Variants in USP40 observed in about 807,000 individuals in gnomAD.
The protein encoded by USP40 is ubiquitin carboxyl-terminal hydrolase 40.
USP40 carries 143 observed loss-of-function variants against 166.2 expected under a neutral mutation model. The ratio of observed to expected loss-of-function variants is 0.86; its 90% CI spans 0.75 to 0.99. The LOEUF (loss-of-function observed/expected upper bound fraction) is 0.99, where lower values mean the gene tolerates loss of function less well. USP40 is among the 50% of genes least tolerant of loss of function. USP40 has a pLI of 0.00. For synonymous variants in USP40, 498 were observed against 524.0 expected, an observed-to-expected ratio of 0.95 and a Z score of 0.68; for missense variants, 1,444 against 1,479.7, an observed-to-expected ratio of 0.98 and a Z score of 0.40.
At chr2:233,545,192 A>G (rs1313799233) in intron 8 of USP40, among the ~76,000 whole-genome samples, 1 of 152,236 alleles carries the variant, frequency 6.6e-6, no homozygotes, top group African/African-American at 2.4e-5. Context: ...TCAGAAAGAA[A>G]ATAATAAAAT....
chr2:233,555,636 C>CTT (rs1232616788), intron 5 of USP40, among the ~76,000 whole-genome samples: 15,368 of 128,890 alleles, frequency 0.12, 1,263 homozygotes, highest in African/African-American at 0.19. Context: ...AAAAATCACT[C>CTT]TTTTTTTTTT....
At position 233,511,813 on chromosome 2, in the gene USP40, A is replaced by G; in HGVS notation, c.2438-16T>C. The G allele has an allele frequency of 6.3e-7, 1 of 1,583,672 alleles. No homozygotes were observed. The highest frequency in any genetic ancestry group is 2.3e-5 in the East Asian group (1 of 44,156). ...CTGTCCGGCACTTAAAAAAATTTTGATAATATGATGAAGGTTATTAATTCC... is the reference window on the plus strand; with the variant it reads ...CTGTCCGGCACTTAAAAAAATTTTGGTAATATGATGAAGGTTATTAATTCC... On this transcript the variant is annotated splice_polypyrimidine_tract_variant and intron_variant, in intron 19 of 31. Transcript: ENST00000678225.
At chr2:233,532,030 C>A (rs1360968246) in intron 11 of USP40, among the ~76,000 whole-genome samples, 3 of 152,186 alleles carry the variant, frequency 2.0e-5, no homozygotes, top group African/African-American at 4.8e-5. Context: ...TTCCTTTGAC[C>A]TTTTCTGCGC....
intron 12 of USP40, 92 bp from the exon 13 acceptor site, chr2:233,527,670 G>A (rs1366253844): frequency 1.7e-6 from 2 of 1,172,940 alleles, no homozygotes; most frequent in African/African-American, 1.6e-5. Context: ...TTACAATAAA[G>A]TTCTCCATCC....
chr2:233,516,514 G>A (rs2067207950), intron 18 of USP40, among the ~76,000 whole-genome samples: 1 of 151,946 alleles, frequency 6.6e-6, no homozygotes, highest in South Asian at 2.1e-4. Flanking sequence ...TGGCTAACAC[G>A]GTGAAACCCT....
intron 15 of USP40, among the ~76,000 whole-genome samples, chr2:233,524,215 C>A (rs768041567): frequency 9.2e-5 from 14 of 152,086 alleles, no homozygotes; most frequent in Non-Finnish European, 1.6e-4. Context: ...CAGCAACCTC[C>A]ACTTTCCGGG....
rs542494038 is a variant in USP40, at chr2:233,523,066, A to C, written c.2201+104T>G. On this transcript the variant is annotated intron_variant, in intron 16 of 31. Transcript: ENST00000678225. The stretch of plus-strand genomic sequence containing the variant: ...TAGAACATAATGTCTAGAAATAAAG[A>C]AACATTCAACTCTTGTCACTAAAAT... 85 of 1,229,982 alleles carry C rather than the reference A, an allele frequency of 6.9e-5. 1 individual carries two copies. The East Asian group carries it at 1.9e-3, about 27-fold the overall frequency. The allele number at this position is 1,229,982 out of a possible 1,614,324, so 76.2% of individuals were successfully genotyped here.
In USP40 at chr2:233,562,735, C is replaced by A; in HGVS notation, c.267+1G>T. The A allele has an allele frequency of 2.6e-6, 4 of 1,512,206 alleles. No homozygotes were observed. The highest frequency in any genetic ancestry group is 3.5e-6 in the Non-Finnish European group (4 of 1,127,640). The allele number at this position is 1,512,206 out of a possible 1,614,324, so 93.7% of individuals were successfully genotyped here. On this transcript the variant is annotated splice_donor_variant, in intron 3 of 31. Coordinates refer to ENST00000678225, the MANE Select transcript of USP40 (RefSeq NM_001365479.2). LOFTEE classifies it high-confidence loss of function. ...TATAATAATAATAATAATAAAAATA[C>A]CTTTGCATCGGGTTTATCCTTATCT...
In USP40 at chr2:233,493,237, G is replaced by A; in HGVS notation, c.2917+188C>T. 1.4e-6 allele frequency: 1 copy of A among 735,264 alleles called. No individual in the cohort carries two copies. The highest frequency in any genetic ancestry group is 2.2e-6 in the Non-Finnish European group (1 of 445,362). The allele number at this position is 735,264 out of a possible 1,614,324, so 45.5% of individuals were successfully genotyped here. On this transcript the variant is annotated intron_variant, in intron 25 of 31. Coordinates refer to ENST00000678225, the MANE Select transcript of USP40 (RefSeq NM_001365479.2). The surrounding 1 kb of genome is among the most constrained non-coding windows in gnomAD (Gnocchi z 4.7). ...TATATAGTGCTTTACAGAGGTTACA[G>A]AGCACGTACAGAAATGGCACAGTGT...
chr2:233,565,508 T>TTA lies in USP40; in HGVS notation c.45_46dup (p.Asn16IlefsTer10), dbSNP rs1301004313. 14 of 1,537,256 alleles carry TTA rather than the reference T, an allele frequency of 9.1e-6. No individual in the cohort carries two copies. Among genetic ancestry groups the TTA allele is most frequent in the Non-Finnish European group, 1.2e-5 (14 of 1,146,832 alleles). ...TAATTTCTTCCCTTTTCCATACTGA[T>TTA]TATTAGACACAGTGGAATACTCCTC... On this transcript the variant is annotated frameshift_variant, in exon 2 of 32. Coordinates refer to ENST00000678225, the MANE Select transcript of USP40 (RefSeq NM_001365479.2). LOFTEE classifies it high-confidence loss of function.
chr2:233,566,562 G>C, intron 1 of USP40, 122 bp downstream of exon 1: 1 of 496,850 alleles, frequency 2.0e-6, no homozygotes, highest in Non-Finnish European at 2.6e-6. Context: ...CTCCAGGAGA[G>C]CGCCGCGTCC....
At chr2:233,554,330 T>C in intron 6 of USP40, 50 bp downstream of exon 6, 3 of 1,547,120 alleles carry the variant, frequency 1.9e-6, no homozygotes, top group Non-Finnish European at 2.6e-6. Context: ...AGTTGACTTG[T>C]ACTAACTACA....
At chr2:233,496,389 C>CT (rs1420123264) in intron 24 of USP40, among the ~76,000 whole-genome samples, 1 of 152,152 alleles carries the variant, frequency 6.6e-6, no homozygotes, top group Non-Finnish European at 1.5e-5. Flanking sequence ...TTCTGAAGGA[C>CT]TTATTTCAGT....
intron 3 of USP40, chr2:233,561,257 C>T (rs1333602648): frequency 1.3e-6 from 2 of 1,491,852 alleles, no homozygotes; most frequent in Admixed American, 4.2e-5. Context: ...CCCGCATCGC[C>T]AAGTCAATCC....
chr2:233,481,530 A>G, intron 30 of USP40: 2 of 532,204 alleles, frequency 3.8e-6, no homozygotes, highest in South Asian at 4.6e-5. Context: ...CTTTCCCTTC[A>G]GCTCCAGAAG....
chr2:233,509,859 A>T (rs2066679610), intron 21 of USP40, among the ~76,000 whole-genome samples, 190 bp downstream of exon 21: 1 of 151,538 alleles, frequency 6.6e-6, no homozygotes, highest in South Asian at 2.1e-4. Context: ...AAAAAAAAAA[A>T]AAAATCCAGT....
At chr2:233,496,165 G>C (rs2125093187) in intron 24 of USP40, among the ~76,000 whole-genome samples, 1 of 152,314 alleles carries the variant, frequency 6.6e-6, no homozygotes, top group South Asian at 2.1e-4. Flanking sequence ...ACAGTTATCT[G>C]AGTCTTGGAG....
intron 28 of USP40, chr2:233,488,010 G>T (rs1005690428): frequency 1.0e-5 from 7 of 683,730 alleles, no homozygotes; most frequent in Admixed American, 4.1e-5. Flanking sequence ...TATGCACCTG[G>T]TGATTACTGA....
intron 10 of USP40, among the ~76,000 whole-genome samples, chr2:233,539,705 A>C (rs1222290558): frequency 6.6e-6 from 1 of 152,164 alleles, no homozygotes; most frequent in Non-Finnish European, 1.5e-5. Flanking sequence ...TTTAAAAAAA[A>C]AACTGAGTTA....
Sources: gnomAD v4.1 joint callset for allele counts (sites outside exome capture counted in the v4.1 genomes callset) on GRCh38, gnomAD v4.1.1 for gene constraint, Gnocchi (gnomAD v3.1) non-coding constraint, MANE v1.5 for transcripts, NCBI Gene and HGNC (gene_info 2026-07-23, HGNC 2026-07-21) for gene names.